GPC6: variants seen among roughly 807,000 people sequenced by gnomAD.
The protein encoded by GPC6 is glypican 6, also known as glypican-6.
GPC6 carries 14 observed loss-of-function variants against 55.2 expected under a neutral mutation model. The observed-to-expected ratio is 0.25, with a 90% CI of 0.17 to 0.40. The LOEUF is 0.40. Ranked by LOEUF, GPC6 falls within the 10% of genes least tolerant of loss-of-function variation. GPC6 has a pLI of 1.00. For synonymous variants in GPC6, 278 were observed against 259.6 expected (o/e 1.07, Z -0.68); for missense variants, 641 against 708.5 (o/e 0.90, Z 1.08).
chr13:93,478,662 GTGA>G (rs772050816), intron 1 of GPC6, among the ~76,000 whole-genome samples: 22 of 152,134 alleles, frequency 1.4e-4, no homozygotes, highest in Non-Finnish European at 2.9e-4. Flanking sequence ...TGGGAGCAAT[GTGA>G]TCATTGTTAT....
chr13:93,432,727 G>A (rs528755184), intron 1 of GPC6, among the ~76,000 whole-genome samples: 1 of 152,170 alleles, frequency 6.6e-6, no homozygotes, highest in South Asian at 2.1e-4. Flanking sequence ...GACAAAGTGA[G>A]GTAGAAAAGT....
chr13:94,186,939 G>A (rs1889213253), intron 4 of GPC6: 1 of 152,188 alleles, frequency 6.6e-6, no homozygotes, highest in Admixed American at 6.5e-5. Context: ...ATATGAATCA[G>A]AGCTCTCTCT....
At chr13:93,845,123 T>C (rs1888120962) in intron 3 of GPC6, among the ~76,000 whole-genome samples, 1 of 152,096 alleles carries the variant, frequency 6.6e-6, no homozygotes, top group Admixed American at 6.6e-5. Flanking sequence ...GACTTGGCGA[T>C]GCGGGCTCTT....
intron 1 of GPC6, among the ~76,000 whole-genome samples, chr13:93,469,887 T>A (rs1879046752): frequency 6.6e-6 from 1 of 152,218 alleles, no homozygotes; most frequent in Non-Finnish European, 1.5e-5. Flanking sequence ...TTTTTTCTTT[T>A]GAATTGCTTT....
intron 4 of GPC6, among the ~76,000 whole-genome samples, chr13:94,039,508 G>A (rs1883457353): frequency 1.3e-5 from 2 of 151,906 alleles, no homozygotes; most frequent in African/African-American, 4.8e-5. Context: ...TGAGATAAGT[G>A]CCTGAGAGAA....
intron 6 of GPC6, among the ~76,000 whole-genome samples, chr13:94,318,817 C>T (rs1040317529): frequency 3.9e-5 from 6 of 152,126 alleles, no homozygotes; most frequent in African/African-American, 1.4e-4. Flanking sequence ...GTGAATTGAG[C>T]TTTATCAGTA....
At position 94,373,281 on chromosome 13, in the gene GPC6, A is replaced by G. The variant is rs377164132; in HGVS notation, c.1153-9133A>G. Among the ~76,000 whole-genome samples, 45 of 152,004 alleles carry G rather than the reference A, an allele frequency of 3.0e-4. No homozygotes were observed. In the East Asian group the frequency reaches 8.5e-3, roughly 29 times the overall value. ...AAATTACTCTGAGCTACGGGAGGAC[A>G]TTCAAACCAAAGGCAAAGAAGTTGA... On this transcript the variant is annotated intron_variant, in intron 6 of 8. Coordinates refer to ENST00000377047, the MANE Select transcript of GPC6 (RefSeq NM_005708.5).
At chr13:94,067,215 A>G (rs866502383) in intron 4 of GPC6, among the ~76,000 whole-genome samples, 2 of 152,196 alleles carry the variant, frequency 1.3e-5, no homozygotes, top group East Asian at 3.9e-4. Flanking sequence ...GGAATATATA[A>G]TAACTGATTA....
intron 4 of GPC6, among the ~76,000 whole-genome samples, chr13:94,092,615 G>T (rs1252085117): frequency 6.6e-6 from 1 of 151,970 alleles, no homozygotes; most frequent in Non-Finnish European, 1.5e-5. Context: ...ATATTTTTTG[G>T]AGATACTGAT....
chr13:94,398,319 G>A lies in GPC6; in HGVS notation c.1290-147G>A, dbSNP rs1003993978. ...ATGTATTCCATGTTTTCACTATTTG[G>A]CATTTTTTTTCCAGGAACTAGATCC... On this transcript the variant is annotated intron_variant, in intron 7 of 8. Transcript: ENST00000377047. 1.4e-5 allele frequency: 9 copies of A among 655,410 alleles called. No homozygotes were observed. In the Admixed American group the frequency reaches 2.1e-4, roughly 15 times the overall value. 40.6% of individuals were successfully genotyped at this position (655,410 alleles called of 1,614,324 possible).
At chr13:93,393,362 A>G (rs1351221798) in intron 1 of GPC6, among the ~76,000 whole-genome samples, 4 of 151,410 alleles carry the variant, frequency 2.6e-5, no homozygotes, top group Non-Finnish European at 5.9e-5. Flanking sequence ...CTAGTCTAGA[A>G]CTCCTGATCT....
intron 3 of GPC6, among the ~76,000 whole-genome samples, chr13:93,933,106 TGTC>T: frequency 6.6e-6 from 1 of 151,926 alleles, no homozygotes; most frequent in Non-Finnish European, 1.5e-5. Flanking sequence ...TTGCTTCTGT[TGTC>T]GTATCTCCTA....
At chr13:94,135,635 A>G (rs1046695945) in intron 4 of GPC6, among the ~76,000 whole-genome samples, 1 of 152,264 alleles carries the variant, frequency 6.6e-6, no homozygotes, top group African/African-American at 2.4e-5. Flanking sequence ...CTAATGCATC[A>G]GCCATTACAC....
At chr13:94,176,818 G>T (rs1245005730) in intron 4 of GPC6, among the ~76,000 whole-genome samples, 1 of 152,196 alleles carries the variant, frequency 6.6e-6, no homozygotes, top group Non-Finnish European at 1.5e-5. Context: ...AGCAGAAGCA[G>T]ATGTATGCTT....
intron 2 of GPC6, among the ~76,000 whole-genome samples, chr13:93,713,403 C>A (rs1366025974): frequency 1.3e-5 from 2 of 151,468 alleles, no homozygotes; most frequent in African/African-American, 2.4e-5. Context: ...AAATTACTGC[C>A]AAGACTAATT....
chr13:93,939,970 CT>C (rs1425224882), intron 3 of GPC6, among the ~76,000 whole-genome samples: 2 of 151,958 alleles, frequency 1.3e-5, no homozygotes, highest in Non-Finnish European at 2.9e-5. Context: ...ATTCTGGATG[CT>C]AATTTTAATT....
chr13:93,880,314 T>C (rs9584165), intron 3 of GPC6, among the ~76,000 whole-genome samples: 10,619 of 151,642 alleles, frequency 0.07, 1,161 homozygotes, highest in African/African-American at 0.23. Context: ...TGGAACCAAC[T>C]CAAATGTCCA....
At chr13:94,029,867 G>A (rs1883045535) in intron 4 of GPC6, among the ~76,000 whole-genome samples, 1 of 152,192 alleles carries the variant, frequency 6.6e-6, no homozygotes, top group Non-Finnish European at 1.5e-5. Context: ...CCGATTTGAT[G>A]TGAAATGGAA....
intron 4 of GPC6, among the ~76,000 whole-genome samples, chr13:94,238,745 T>C (rs1379513339): frequency 6.6e-6 from 1 of 152,074 alleles, no homozygotes; most frequent in African/African-American, 2.4e-5. Context: ...GGCTGACACA[T>C]GGCAGTGAGG....
Sources: gnomAD v4.1 joint callset for allele counts (sites outside exome capture counted in the v4.1 genomes callset) on GRCh38, gnomAD v4.1.1 for gene constraint, MANE v1.5 for transcripts, NCBI Gene and HGNC (gene_info 2026-07-23, HGNC 2026-07-21) for gene names.